The following PLA2G4A variants were observed in gnomAD, a reference collection of about 807,000 sequenced individuals.
PLA2G4A encodes the protein phospholipase A2 group IVA.
In PLA2G4A, 40 loss-of-function variants were observed where a neutral mutation model predicts 81.9. That is an observed-to-expected ratio of 0.49 (90% CI 0.38 to 0.64). PLA2G4A has a LOEUF of 0.64. PLA2G4A is among the 30% of genes least tolerant of loss of function. The pLI is 0.00. For synonymous variants in PLA2G4A, 302 were observed against 296.9 expected (o/e 1.02, Z -0.18); for missense variants, 715 against 905.1 (o/e 0.79, Z 2.69).
At chr1:186,899,245 T>C (rs1654453142) in intron 5 of PLA2G4A, among the ~76,000 whole-genome samples, 1 of 152,136 alleles carries the variant, frequency 6.6e-6, no homozygotes, top group African/African-American at 2.4e-5. Context: ...AGAAAGGCTC[T>C]GAAGCAGAGT....
chr1:186,885,754 ACAAGAAATTAAGAACT>A (rs1270278375), intron 3 of PLA2G4A, among the ~76,000 whole-genome samples: 2 of 152,186 alleles, frequency 1.3e-5, no homozygotes, highest in Non-Finnish European at 2.9e-5. Flanking sequence ...ACTGAAAAAC[ACAAGAAATTAAGAACT>A]CAGTAGATGG....
intron 1 of PLA2G4A, among the ~76,000 whole-genome samples, chr1:186,830,586 C>G (rs972658612): frequency 3.7e-5 from 4 of 108,640 alleles, no homozygotes; most frequent in Admixed American, 1.4e-4. Flanking sequence ...CCTGCCTGAG[C>G]GAAAACAGCG....
chr1:186,890,626 C>T lies in PLA2G4A; in HGVS notation c.116-2385C>T, dbSNP rs149389317. ...ATCCCAGCACTTCGGGAGTCTGAGGCGGGCAGATCAGGAGGTCAGGAGATC... is the reference window on the plus strand; with the variant it reads ...ATCCCAGCACTTCGGGAGTCTGAGGTGGGCAGATCAGGAGGTCAGGAGATC... On this transcript the variant is annotated intron_variant, in intron 3 of 17. Coordinates refer to ENST00000367466, the MANE Select transcript of PLA2G4A (RefSeq NM_024420.3). 9.9e-5 allele frequency among the ~76,000 whole-genome samples: 15 copies of T among 152,148 alleles called. No individual in the cohort carries two copies. In the East Asian group the frequency reaches 1.5e-3, roughly 16 times the overall value.
chr1:186,936,476 G>A (rs1557882057), intron 8 of PLA2G4A, among the ~76,000 whole-genome samples: 1 of 151,868 alleles, frequency 6.6e-6, no homozygotes, highest in Non-Finnish European at 1.5e-5. Context: ...TGCGTTTTAT[G>A]GGAAAATTAA....
chr1:186,864,106 C>T (rs1211858105), intron 2 of PLA2G4A, among the ~76,000 whole-genome samples: 1 of 152,096 alleles, frequency 6.6e-6, no homozygotes, highest in Non-Finnish European at 1.5e-5. Flanking sequence ...CCAGGTTCAT[C>T]CCTGTTGGAA....
intron 16 of PLA2G4A, 68 bp downstream of exon 16, chr1:186,977,856 G>C (rs1571463802): frequency 1.0e-6 from 1 of 980,626 alleles, no homozygotes; most frequent in South Asian, 1.3e-5. Context: ...ACATTAAACT[G>C]TTTCACTCTG....
At chr1:186,943,796 T>G (rs1248991433) in intron 10 of PLA2G4A, among the ~76,000 whole-genome samples, 1 of 152,186 alleles carries the variant, frequency 6.6e-6, no homozygotes, top group African/African-American at 2.4e-5. Context: ...GAGGCACCAA[T>G]AGTCCCAAGT....
Position 186,893,117 on chromosome 1 carries a change from C to A in PLA2G4A, c.222C>A (p.Thr74=), listed in dbSNP as rs1418975595. The A allele has an allele frequency of 1.9e-6, 3 of 1,612,112 alleles. No homozygotes were observed. The South Asian group carries it at 3.3e-5, about 18-fold the overall frequency. The part of the protein sequence containing the change: ...NNDINPVWNE[T]FEFILDPNQE... ...ACATAAACCCTGTGTGGAATGAGAC[C>A]TTTGAATTTATTTTGGATCCTAATC... is the stretch of plus-strand genomic sequence containing the variant. The change falls in exon 4 of 18, where the codon ACC becomes ACA. Residue 74 remains threonine, a synonymous_variant. Coordinates refer to ENST00000367466, the MANE Select transcript of PLA2G4A (RefSeq NM_024420.3).
chr1:186,885,900 C>G (rs544906414), intron 3 of PLA2G4A, among the ~76,000 whole-genome samples: 2 of 151,972 alleles, frequency 1.3e-5, no homozygotes, highest in South Asian at 4.2e-4. Flanking sequence ...GAATAAAAAG[C>G]TAAGGAATAT....
At position 186,934,463 on chromosome 1, in the gene PLA2G4A, T is replaced by TACACAC. The variant is rs1553216897; in HGVS notation, c.695+1567_695+1568insCACACA. ...GTGCACATATATATATATATATATATACATACACAGAGAGAGTAATTAAAA... is the reference window on the plus strand; with the variant it reads ...GTGCACATATATATATATATATATATACACACACATACACAGAGAGAGTAATTAAAA... On this transcript the variant is annotated intron_variant, in intron 8 of 17. Transcript: ENST00000367466. Among the ~76,000 whole-genome samples, 1,172 of 143,496 alleles carry TACACAC rather than the reference T, an allele frequency of 8.2e-3. 28 individuals carry two copies. Among genetic ancestry groups the TACACAC allele is most frequent in the African/African-American group, 0.026 (1,012 of 39,240 alleles). 94.1% of individuals were successfully genotyped at this position (143,496 alleles called of 152,430 possible).
intron 3 of PLA2G4A, among the ~76,000 whole-genome samples, chr1:186,880,605 G>A (rs937162008): frequency 2.0e-5 from 3 of 151,754 alleles, no homozygotes; most frequent in Non-Finnish European, 4.4e-5. Flanking sequence ...ATAGCATTAA[G>A]GTTAAGAATC....
chr1:186,918,256 T>A (rs967185140), intron 7 of PLA2G4A, among the ~76,000 whole-genome samples: 1 of 152,162 alleles, frequency 6.6e-6, no homozygotes, highest in Admixed American at 6.5e-5. Context: ...GGCTCGCTGG[T>A]GTCCCCTGCA....
intron 3 of PLA2G4A, among the ~76,000 whole-genome samples, chr1:186,885,488 G>C (rs1432536979): frequency 6.6e-6 from 1 of 152,142 alleles, no homozygotes; most frequent in African/African-American, 2.4e-5. Flanking sequence ...GTCATCTGTG[G>C]AGGTAGATCT....
At chr1:186,897,145 T>C (rs1372546143) in intron 5 of PLA2G4A, among the ~76,000 whole-genome samples, 1 of 152,176 alleles carries the variant, frequency 6.6e-6, no homozygotes, top group Non-Finnish European at 1.5e-5. Flanking sequence ...CAAAATAGTA[T>C]TAGCAAAAAC....
intron 17 of PLA2G4A, among the ~76,000 whole-genome samples, chr1:186,984,237 G>T (rs994330672): frequency 6.6e-6 from 1 of 152,138 alleles, no homozygotes; most frequent in Non-Finnish European, 1.5e-5. Context: ...TGGGGAATTT[G>T]TATATAGTAC....
intron 8 of PLA2G4A, among the ~76,000 whole-genome samples, chr1:186,934,463 T>TAC (rs1553216897): frequency 9.1e-5 from 13 of 143,514 alleles, no homozygotes; most frequent in African/African-American, 2.3e-4. Flanking sequence ...TATATATATA[T>TAC]ACATACACAG....
At chr1:186,830,468 C>T (rs950575094) in intron 1 of PLA2G4A, among the ~76,000 whole-genome samples, 1 of 151,538 alleles carries the variant, frequency 6.6e-6, no homozygotes. Context: ...ACTAGCCGGA[C>T]GTGGTGGCAG....
At chr1:186,928,965 C>G (rs1267289524) in intron 7 of PLA2G4A, among the ~76,000 whole-genome samples, 1 of 152,208 alleles carries the variant, frequency 6.6e-6, no homozygotes, top group Admixed American at 6.5e-5. Context: ...CCATGACTAA[C>G]AGCTGAACCT....
At chr1:186,888,283 A>C (rs1654009722) in intron 3 of PLA2G4A, among the ~76,000 whole-genome samples, 1 of 152,156 alleles carries the variant, frequency 6.6e-6, no homozygotes, top group Admixed American at 6.6e-5. Flanking sequence ...TCAGAATTAG[A>C]ATTTGTTAAA....
Sources: allele counts gnomAD v4.1 joint callset (sites outside exome capture counted in the v4.1 genomes callset), GRCh38; gene constraint gnomAD v4.1.1; transcripts MANE v1.5; gene names NCBI Gene and HGNC (gene_info 2026-07-23, HGNC 2026-07-21).